GRID1: variants seen among roughly 807,000 people sequenced by gnomAD.
GRID1 encodes the protein glutamate receptor ionotropic, delta-1.
In GRID1, 28 loss-of-function variants were observed where a neutral mutation model predicts 98.0. The ratio of observed to expected loss-of-function variants is 0.29; its 90% CI spans 0.21 to 0.39. The LOEUF is 0.39. GRID1 is among the 10% of genes least tolerant of loss of function. The pLI is 1.00. For missense variants in GRID1, 1,111 were observed against 1,340.5 expected, an observed-to-expected ratio of 0.83 and a Z score of 2.67; for synonymous variants, 553 against 538.5, an observed-to-expected ratio of 1.03 and a Z score of -0.37.
At chr10:85,953,464 T>C (rs898191732) in intron 4 of GRID1, among the ~76,000 whole-genome samples, 1 of 152,200 alleles carries the variant, frequency 6.6e-6, no homozygotes, top group Non-Finnish European at 1.5e-5. Context: ...AAAAGTTATA[T>C]GTAAATTTTT....
chr10:86,137,076 C>T (rs1844938170), intron 4 of GRID1, among the ~76,000 whole-genome samples: 1 of 152,212 alleles, frequency 6.6e-6, no homozygotes, highest in African/African-American at 2.4e-5. Flanking sequence ...CCAGCGAATC[C>T]ACCACTGCAG....
chr10:86,282,138 T>C (rs935656215), intron 2 of GRID1, among the ~76,000 whole-genome samples: 3 of 152,200 alleles, frequency 2.0e-5, no homozygotes, highest in Non-Finnish European at 4.4e-5. Flanking sequence ...TCAGCTTGCA[T>C]GGCTACTGGA....
chr10:85,635,132 C>T (rs1843022957), intron 13 of GRID1, among the ~76,000 whole-genome samples: 1 of 150,112 alleles, frequency 6.7e-6, no homozygotes, highest in African/African-American at 2.5e-5. Flanking sequence ...GGTTTGATTC[C>T]AGAGCTTACT....
At position 86,196,877 on chromosome 10, in the gene GRID1, G is replaced by A. The variant is rs192235099; in HGVS notation, c.520+9487C>T. Among the ~76,000 whole-genome samples the A allele has an allele frequency of 1.5e-4, 23 of 152,224 alleles. No individual in the cohort carries two copies. The East Asian group carries it at 4.2e-3, about 28-fold the overall frequency. On this transcript the variant is annotated intron_variant, in intron 3 of 15. Transcript: ENST00000327946. ...TCCATAGGAAGCATATATTACTGCT[G>A]TAATTGGTAAACTCAAGGAAAGAAA...
At chr10:85,805,150 C>G (rs1356307900) in intron 8 of GRID1, among the ~76,000 whole-genome samples, 1 of 151,222 alleles carries the variant, frequency 6.6e-6, no homozygotes, top group Admixed American at 6.6e-5. Context: ...AAATAAAATT[C>G]TAGATCTAAT....
At chr10:85,726,120 C>T (rs191366660) in intron 10 of GRID1, among the ~76,000 whole-genome samples, 47 of 152,266 alleles carry the variant, frequency 3.1e-4, no homozygotes, top group African/African-American at 8.7e-4. Context: ...GGACAGGGGA[C>T]ACTCCCTTCT....
intron 8 of GRID1, among the ~76,000 whole-genome samples, chr10:85,736,111 A>G (rs1841879883): frequency 7.4e-6 from 1 of 135,458 alleles, no homozygotes; most frequent in Non-Finnish European, 1.6e-5. Flanking sequence ...AGAAGGAAGG[A>G]ACGAAGGAGG....
At chr10:86,340,395 G>A (rs112475274) in intron 2 of GRID1, among the ~76,000 whole-genome samples, 8 of 152,276 alleles carry the variant, frequency 5.3e-5, no homozygotes, top group East Asian at 1.9e-4. Flanking sequence ...CGTGCACCAC[G>A]GATCTGACCA....
chr10:85,667,089 C>G (rs917038029), intron 12 of GRID1, among the ~76,000 whole-genome samples: 3 of 152,122 alleles, frequency 2.0e-5, no homozygotes, highest in Non-Finnish European at 4.4e-5. Flanking sequence ...AGAAGAGAAC[C>G]CAGGATCACT....
rs866561441 is a variant in GRID1 at position 85,814,326 on chromosome 10, A to T, written c.1233+40170T>A. 6.6e-5 allele frequency among the ~76,000 whole-genome samples: 10 copies of T among 152,050 alleles called. No individual in the cohort carries two copies. The South Asian group carries it at 2.1e-3, about 31-fold the overall frequency. On this transcript the variant is annotated intron_variant, in intron 8 of 15. Transcript: ENST00000327946. ...AGGGAAATGTGTAGAATTAAATGCT[A>T]TGTTAAAGAAAGAATAAAGATATAA...
intron 5 of GRID1, among the ~76,000 whole-genome samples, chr10:85,906,070 A>T (rs1314562060): frequency 6.6e-6 from 1 of 152,140 alleles, no homozygotes; most frequent in Non-Finnish European, 1.5e-5. Context: ...AAGGTATTAT[A>T]CTAACACAAG....
intron 6 of GRID1, among the ~76,000 whole-genome samples, chr10:85,864,500 T>C (rs1843196294): frequency 6.6e-6 from 1 of 152,242 alleles, no homozygotes; most frequent in Non-Finnish European, 1.5e-5. Context: ...ACTTGCGCAA[T>C]TGTCTCCGAC....
At chr10:85,950,146 G>A (rs1056466896) in intron 4 of GRID1, among the ~76,000 whole-genome samples, 5 of 152,102 alleles carry the variant, frequency 3.3e-5, no homozygotes, top group Non-Finnish European at 7.3e-5. Context: ...TACTTTCATG[G>A]AAATAGGGAG....
chr10:85,919,190 G>T (rs565680020), intron 4 of GRID1, among the ~76,000 whole-genome samples: 38 of 152,364 alleles, frequency 2.5e-4, no homozygotes, highest in African/African-American at 7.0e-4. Context: ...TGACTCAGTT[G>T]CTGGGAGACC....
At position 85,863,786 on chromosome 10, in the gene GRID1, C is replaced by T. The variant is rs186232186; in HGVS notation, c.951+5224G>A. Among the ~76,000 whole-genome samples the T allele has an allele frequency of 5.1e-3, 781 of 152,298 alleles. 21 individuals are homozygous for T. Among genetic ancestry groups the T allele is most frequent in the Non-Finnish European group, 1.7e-3 (115 of 68,030 alleles). On this transcript the variant is annotated intron_variant, in intron 6 of 15. Coordinates refer to ENST00000327946, the MANE Select transcript of GRID1 (RefSeq NM_017551.3). ...TCTGCCTTCCTGGCAGCAGCACATG[C>T]CTTCTCTGTAGTAAGTCTGAGACTT...
At chr10:86,090,148 G>A (rs1844123942) in intron 4 of GRID1, among the ~76,000 whole-genome samples, 1 of 152,082 alleles carries the variant, frequency 6.6e-6, no homozygotes, top group Non-Finnish European at 1.5e-5. Context: ...GCCGTGCCTG[G>A]TGGTGACGCC....
Position 86,237,920 on chromosome 10 carries a change from A to C in GRID1, c.236-31272T>G, listed in dbSNP as rs368425884. 2.1e-4 allele frequency among the ~76,000 whole-genome samples: 32 copies of C among 152,290 alleles called. 1 individual carries two copies. In the South Asian group the frequency reaches 6.6e-3, roughly 32 times the overall value. ...TTTAAAGCAATTTGAGAACCGACGA[A>C]TACAGCAAATTGGTATTGAGAAAGG... On this transcript the variant is annotated intron_variant, in intron 2 of 15. Coordinates refer to ENST00000327946, the MANE Select transcript of GRID1 (RefSeq NM_017551.3).
At chr10:86,133,477 C>T (rs930848863) in intron 4 of GRID1, among the ~76,000 whole-genome samples, 4 of 152,238 alleles carry the variant, frequency 2.6e-5, no homozygotes, top group Admixed American at 2.6e-4. Context: ...GCAGGAGCAG[C>T]CCTGGCCTCA....
At chr10:86,288,281 A>G (rs1589437970) in intron 2 of GRID1, among the ~76,000 whole-genome samples, 2 of 152,186 alleles carry the variant, frequency 1.3e-5, no homozygotes, top group African/African-American at 2.4e-5. Flanking sequence ...GCGTTCAGGC[A>G]TGGCTGACCA....
Sources: gnomAD v4.1 joint callset for allele counts (sites outside exome capture counted in the v4.1 genomes callset) on GRCh38, gnomAD v4.1.1 for gene constraint, MANE v1.5 for transcripts, NCBI Gene and HGNC (gene_info 2026-07-23, HGNC 2026-07-21) for gene names.